The following NRG1 variants were observed in gnomAD, a reference collection of about 807,000 sequenced individuals.
NRG1 encodes the protein neuregulin 1.
In NRG1, 18 loss-of-function variants were observed where a neutral mutation model predicts 63.8. The observed-to-expected ratio is 0.28, with a 90% CI of 0.19 to 0.42. The LOEUF (loss-of-function observed/expected upper bound fraction) is 0.42. NRG1 is among the 10% of genes least tolerant of loss of function. The pLI, the probability that NRG1 is intolerant of heterozygous loss-of-function variation, is 1.00. For synonymous variants in NRG1, 302 were observed against 301.3 expected, an observed-to-expected ratio of 1.00 and a Z score of -0.02; for missense variants, 762 against 814.7, an observed-to-expected ratio of 0.94 and a Z score of 0.79.
chr8:32,651,574 C>T (rs1456522984), intron 5 of NRG1, among the ~76,000 whole-genome samples: 4 of 152,096 alleles, frequency 2.6e-5, no homozygotes. Context: ...ATATGAGATC[C>T]TCCCTGCTTG....
chr8:31,767,136 ATTC>A (rs1193176014), intron 1 of NRG1, among the ~76,000 whole-genome samples: 1 of 152,174 alleles, frequency 6.6e-6, no homozygotes, highest in Admixed American at 6.5e-5. Flanking sequence ...AAAGAATGAC[ATTC>A]TTCATGACCG....
chr8:31,890,791 G>A (rs183730520), intron 1 of NRG1, among the ~76,000 whole-genome samples: 52 of 152,304 alleles, frequency 3.4e-4, no homozygotes, highest in Non-Finnish European at 5.9e-4. Context: ...GATGATAACA[G>A]GACAGTGACC....
At chr8:32,486,899 A>G (rs1796429364) in intron 1 of NRG1, among the ~76,000 whole-genome samples, 1 of 152,172 alleles carries the variant, frequency 6.6e-6, no homozygotes, top group South Asian at 2.1e-4. Flanking sequence ...TGCTGGGACT[A>G]CATGTGTGAG....
chr8:31,857,612 C>T (rs1038970616), intron 1 of NRG1, among the ~76,000 whole-genome samples: 1 of 152,218 alleles, frequency 6.6e-6, no homozygotes. Flanking sequence ...CAGAGCTGTT[C>T]CTATTCGGCC....
intron 1 of NRG1, among the ~76,000 whole-genome samples, chr8:31,934,420 CTTTTT>C (rs1554580265): frequency 1.9e-5 from 2 of 108,062 alleles, no homozygotes; most frequent in Admixed American, 9.5e-5. Flanking sequence ...TATTCGCTCT[CTTTTT>C]TTTTTTTTTT....
intron 5 of NRG1, among the ~76,000 whole-genome samples, chr8:32,678,795 C>G (rs762330345): frequency 1.3e-5 from 2 of 152,096 alleles, no homozygotes; most frequent in Non-Finnish European, 2.9e-5. Context: ...TGCACAGCAC[C>G]CAGACTAGTA....
intron 1 of NRG1, among the ~76,000 whole-genome samples, chr8:32,163,197 A>G (rs2131932607): frequency 6.6e-6 from 1 of 152,308 alleles, no homozygotes; most frequent in Admixed American, 6.5e-5. Context: ...TCCAGCCTAG[A>G]GACCCATGTG....
chr8:31,743,342 A>G (rs966045964), intron 1 of NRG1, among the ~76,000 whole-genome samples: 4 of 151,956 alleles, frequency 2.6e-5, no homozygotes, highest in Admixed American at 6.6e-5. Flanking sequence ...TGCCTATTGT[A>G]TGACTGCACT....
chr8:31,813,516 C>CTTTTCTTTTTTTTT, intron 1 of NRG1, among the ~76,000 whole-genome samples: 8 of 101,218 alleles, frequency 7.9e-5, no homozygotes, highest in African/African-American at 2.2e-4. Flanking sequence ...CTTTTCTTTT[C>CTTTTCTTTTTTTTT]TTTTTTTTTT....
intron 1 of NRG1, among the ~76,000 whole-genome samples, chr8:32,046,402 G>A (rs1229581175): frequency 6.6e-6 from 1 of 151,988 alleles, no homozygotes; most frequent in Admixed American, 6.6e-5. Flanking sequence ...TTCTCAGAAA[G>A]GTGAACAAAT....
chr8:32,197,373 G>A (rs1843065136), intron 1 of NRG1, among the ~76,000 whole-genome samples: 1 of 152,106 alleles, frequency 6.6e-6, no homozygotes, highest in African/African-American at 2.4e-5. Context: ...CTCACCTCTG[G>A]GAGGTGGCCT....
chr8:32,724,952 A>C (rs557651356), intron 5 of NRG1, among the ~76,000 whole-genome samples: 1 of 152,298 alleles, frequency 6.6e-6, no homozygotes, highest in Admixed American at 6.5e-5. Context: ...CATTACAAGG[A>C]TAATCATTTC....
rs118001752 is a variant in NRG1, at chr8:32,078,441, A to G, written c.37+439010A>G. 6.1e-4 allele frequency among the ~76,000 whole-genome samples: 93 copies of G among 152,280 alleles called. 1 individual carries two copies. In the East Asian group the frequency reaches 0.016, roughly 27 times the overall value. The stretch of plus-strand genomic sequence containing the variant: ...TGAGCCAAATCAACCACTTTTCTTT[A>G]TGAATTATTCAGTCCCAGGTATTCC... On this transcript the variant is annotated intron_variant, in intron 1 of 10. Transcript: ENST00000519301.
intron 5 of NRG1, among the ~76,000 whole-genome samples, chr8:32,634,119 G>T (rs921907134): frequency 7.0e-5 from 6 of 86,182 alleles, no homozygotes; most frequent in East Asian, 5.8e-4. Flanking sequence ...AAAAAAAAAA[G>T]GTTGCATAAA....
At chr8:31,805,839 A>C (rs569007268) in intron 1 of NRG1, among the ~76,000 whole-genome samples, 1 of 151,866 alleles carries the variant, frequency 6.6e-6, no homozygotes, top group Admixed American at 6.6e-5. Flanking sequence ...AAAAAAAAAA[A>C]AAAAAAAGAT....
At chr8:32,218,622 A>G (rs1440007421) in intron 1 of NRG1, among the ~76,000 whole-genome samples, 1 of 152,240 alleles carries the variant, frequency 6.6e-6, no homozygotes, top group Non-Finnish European at 1.5e-5. Flanking sequence ...TCTCCAGAGA[A>G]GCAGCGGCTT....
intron 1 of NRG1, among the ~76,000 whole-genome samples, chr8:32,119,542 ACTATATTT>A (rs1397978582): frequency 6.6e-6 from 1 of 152,092 alleles, no homozygotes; most frequent in African/African-American, 2.4e-5. Flanking sequence ...TCATGTTTAA[ACTATATTT>A]CTCATCTTCT....
At chr8:32,302,980 G>A (rs977058476) in intron 1 of NRG1, among the ~76,000 whole-genome samples, 2 of 151,692 alleles carry the variant, frequency 1.3e-5, no homozygotes, top group Non-Finnish European at 2.9e-5. Context: ...TCAGGAGTTC[G>A]AGACCAGCCT....
rs900923966 is a variant in NRG1, at chr8:32,104,049, C to T, written c.37+464618C>T. ...CCAAATATAGACATGTGGTGCTTAA[C>T]GACAGGGATACTTTGATAAATGCAT... is the stretch of plus-strand genomic sequence containing the variant. On this transcript the variant is annotated intron_variant, in intron 1 of 10. Coordinates refer to the NRG1 transcript ENST00000519301. Among the ~76,000 whole-genome samples the T allele has an allele frequency of 5.9e-5, 9 of 152,132 alleles. 1 individual carries two copies. The highest frequency in any genetic ancestry group is 2.6e-4 in the Admixed American group (4 of 15,252).
Sources: gnomAD v4.1 joint callset for allele counts (sites outside exome capture counted in the v4.1 genomes callset) on GRCh38, gnomAD v4.1.1 for gene constraint, MANE v1.5 for transcripts, NCBI Gene and HGNC (gene_info 2026-07-23, HGNC 2026-07-21) for gene names.